AHI1: variants seen among roughly 807,000 people sequenced by gnomAD.
AHI1 encodes jouberin.
In AHI1, 123 loss-of-function variants were observed where a neutral mutation model predicts 149.3. The observed-to-expected ratio is 0.82, with a 90% CI of 0.71 to 0.96. AHI1 has a LOEUF of 0.96. AHI1 is among the 40% of genes least tolerant of loss of function. The pLI is 0.00. For missense variants in AHI1, 1,439 were observed against 1,422.7 expected, an observed-to-expected ratio of 1.01 and a Z score of -0.18; for synonymous variants, 475 against 459.8, an observed-to-expected ratio of 1.03 and a Z score of -0.42.
intron 24 of AHI1, among the ~76,000 whole-genome samples, chr6:135,352,738 A>C (rs373481124): frequency 1.4e-5 from 2 of 143,294 alleles, no homozygotes; most frequent in East Asian, 2.1e-4. Flanking sequence ...CACACACACA[A>C]TATATATACA....
chr6:135,300,738 C>T, intron 26 of AHI1, 180 bp from the exon 27 acceptor site: 1 of 1,197,778 alleles, frequency 8.3e-7, no homozygotes, highest in Non-Finnish European at 1.0e-6. Flanking sequence ...TATTTGCTCC[C>T]ATGAAAAACC....
rs545243659 is a variant in AHI1 at position 135,462,091 on chromosome 6, T to C, written c.931+1034A>G. On this transcript the variant is annotated intron_variant, in intron 8 of 28. Transcript: ENST00000265602. ...TATATAGAAACACATAAAACAAGTA[T>C]ACTGCTTAGTGCTTTTCTATATATA... is the stretch of plus-strand genomic sequence containing the variant. Among the ~76,000 whole-genome samples the C allele has an allele frequency of 2.8e-3, 420 of 152,154 alleles. 2 individuals are homozygous for C. Among genetic ancestry groups the C allele is most frequent in the Non-Finnish European group, 4.5e-3 (306 of 68,010 alleles).
At chr6:135,321,269 A>AAAAG (rs939043492) in intron 25 of AHI1, among the ~76,000 whole-genome samples, 4 of 152,304 alleles carry the variant, frequency 2.6e-5, no homozygotes, top group East Asian at 1.9e-4. Context: ...TCTCAGAAAA[A>AAAAG]AAAGAAAGAA....
intron 5 of AHI1, among the ~76,000 whole-genome samples, chr6:135,484,003 TAATGGA>T (rs1562280227): frequency 1.0e-3 from 158 of 152,314 alleles, no homozygotes; most frequent in African/African-American, 3.5e-3. Flanking sequence ...GAAAGAGGTT[TAATGGA>T]CTTAAAGTTC....
chr6:135,413,129 G>C (rs1230980393), intron 20 of AHI1, among the ~76,000 whole-genome samples: 1 of 151,974 alleles, frequency 6.6e-6, no homozygotes, highest in African/African-American at 2.4e-5. Flanking sequence ...AGGAGTTTGA[G>C]ACCAGCCCTG....
chr6:135,464,090 A>C (rs1790354012), intron 7 of AHI1, among the ~76,000 whole-genome samples: 1 of 152,196 alleles, frequency 6.6e-6, no homozygotes, highest in Admixed American at 6.5e-5. Context: ...ACTGAGTTTA[A>C]AGAAAAACCA....
At position 135,431,204 on chromosome 6, in the gene AHI1, A is replaced by C. The variant is rs1784606052; in HGVS notation, c.2373+4T>G. On this transcript the variant is annotated splice_donor_region_variant and intron_variant, in intron 17 of 28. Coordinates refer to ENST00000265602, the MANE Select transcript of AHI1 (RefSeq NM_001134831.2). ...ATCCCAAAATATAAAATATGATTTTATACCTTATTTATAGTCCAGTGGTGC... is the reference window on the plus strand; with the variant it reads ...ATCCCAAAATATAAAATATGATTTTCTACCTTATTTATAGTCCAGTGGTGC... 3 of 1,537,632 alleles carry C rather than the reference A, an allele frequency of 2.0e-6. No homozygotes were observed. Among genetic ancestry groups the C allele is most frequent in the African/African-American group, 1.4e-5 (1 of 72,756 alleles).
At chr6:135,462,622 C>G (rs1790085905) in intron 8 of AHI1, among the ~76,000 whole-genome samples, 1 of 152,114 alleles carries the variant, frequency 6.6e-6, no homozygotes. Context: ...CAGAGAAGGT[C>G]AGGCATGGTG....
At position 135,457,477 on chromosome 6, in the gene AHI1, C is replaced by G; in HGVS notation, c.1151+17G>C. 6.3e-7 allele frequency: 1 copy of G among 1,580,598 alleles called. No individual in the cohort carries two copies. The highest frequency in any genetic ancestry group is 8.7e-7 in the Non-Finnish European group (1 of 1,155,978). ...GTTTCAGTTTCAAGAATTAGTTGTGCAATTAAAAAAAATTACCTATCATCT... is the reference window on the plus strand; with the variant it reads ...GTTTCAGTTTCAAGAATTAGTTGTGGAATTAAAAAAAATTACCTATCATCT... On this transcript the variant is annotated intron_variant, in intron 9 of 28. Coordinates refer to ENST00000265602, the MANE Select transcript of AHI1 (RefSeq NM_001134831.2).
chr6:135,493,067 C>T (rs935522115), intron 3 of AHI1: 4 of 703,498 alleles, frequency 5.7e-6, no homozygotes, highest in Admixed American at 6.3e-5. Context: ...GGTGTGATCT[C>T]GGCTCACTGC....
chr6:135,397,752 T>C (rs1157860700), intron 22 of AHI1, among the ~76,000 whole-genome samples: 3 of 152,096 alleles, frequency 2.0e-5, no homozygotes, highest in African/African-American at 4.8e-5. Context: ...TTGGGAGATA[T>C]ATAGTACTCA....
At chr6:135,296,689 C>T (rs146608343) in intron 27 of AHI1, among the ~76,000 whole-genome samples, 9 of 152,294 alleles carry the variant, frequency 5.9e-5, no homozygotes, top group Non-Finnish European at 8.8e-5. Flanking sequence ...CCTTTCCTTT[C>T]CCCTACCCAT....
At chr6:135,484,034 C>CTTTTA (rs1443154208) in intron 5 of AHI1, among the ~76,000 whole-genome samples, 136 of 152,116 alleles carry the variant, frequency 8.9e-4, no homozygotes, top group African/African-American at 3.0e-3. Flanking sequence ...TGGCTGTGGC[C>CTTTTA]TCACAATCAT....
At chr6:135,310,717 A>AT (rs1785081414) in intron 26 of AHI1, among the ~76,000 whole-genome samples, 1 of 152,232 alleles carries the variant, frequency 6.6e-6, no homozygotes, top group African/African-American at 2.4e-5. Flanking sequence ...AGAGAAGAAT[A>AT]TAAGCAAAAA....
intron 15 of AHI1, among the ~76,000 whole-genome samples, chr6:135,437,727 A>C (rs1226797175): frequency 6.6e-6 from 1 of 152,210 alleles, no homozygotes; most frequent in Non-Finnish European, 1.5e-5. Flanking sequence ...AGCTGTAAGA[A>C]TCAAATTAAG....
intron 15 of AHI1, among the ~76,000 whole-genome samples, chr6:135,437,037 C>T (rs769563478): frequency 4.6e-5 from 7 of 152,192 alleles, no homozygotes; most frequent in Non-Finnish European, 7.3e-5. Context: ...ACGTCAGTCA[C>T]GTGCCTCTTT....
At chr6:135,340,128 T>C (rs1004390682) in intron 24 of AHI1, among the ~76,000 whole-genome samples, 1 of 151,894 alleles carries the variant, frequency 6.6e-6, no homozygotes, top group Non-Finnish European at 1.5e-5. Context: ...TCCCAGAACT[T>C]TGGGAGGCTG....
intron 14 of AHI1, among the ~76,000 whole-genome samples, chr6:135,440,177 A>G (rs1027199712): frequency 3.9e-5 from 6 of 152,106 alleles, no homozygotes; most frequent in Non-Finnish European, 7.4e-5. Flanking sequence ...CCCATCCCCA[A>G]AGACTTCTCA....
At chr6:135,373,857 G>A (rs1226983725) in intron 23 of AHI1, among the ~76,000 whole-genome samples, 1 of 152,014 alleles carries the variant, frequency 6.6e-6, no homozygotes, top group Non-Finnish European at 1.5e-5. Context: ...GGGAACAGGA[G>A]AAGCTCTAAC....
Sources: gnomAD v4.1 joint callset for allele counts (sites outside exome capture counted in the v4.1 genomes callset) on GRCh38, gnomAD v4.1.1 for gene constraint, MANE v1.5 for transcripts, NCBI Gene and HGNC (gene_info 2026-07-23, HGNC 2026-07-21) for gene names.